RGS10: variants seen among roughly 807,000 people sequenced by gnomAD.
The protein encoded by RGS10 is regulator of G-protein signalling 10.
In RGS10, 11 loss-of-function variants were observed where a neutral mutation model predicts 23.5. The ratio of observed to expected loss-of-function variants is 0.47; its 90% CI spans 0.29 to 0.77. The LOEUF (loss-of-function observed/expected upper bound fraction) is 0.77. Among genes scored for constraint, RGS10 ranks in the 30% least tolerant of loss-of-function variants. The pLI is 0.08. For synonymous variants in RGS10, 77 were observed against 83.2 expected, an observed-to-expected ratio of 0.92 and a Z score of 0.41; for missense variants, 180 against 226.3, an observed-to-expected ratio of 0.80 and a Z score of 1.31.
At chr10:119,532,266 A>T (rs1467738563) in intron 1 of RGS10, among the ~76,000 whole-genome samples, 2 of 151,950 alleles carry the variant, frequency 1.3e-5, no homozygotes, top group Non-Finnish European at 2.9e-5. Context: ...TGCAAACTCC[A>T]CTCACCCAGT....
At chr10:119,518,204 T>A (rs1472366521) in intron 3 of RGS10, among the ~76,000 whole-genome samples, 1 of 152,236 alleles carries the variant, frequency 6.6e-6, no homozygotes, top group Admixed American at 6.5e-5. Flanking sequence ...GATGGCCGAC[T>A]TCTCTTCCAC....
At chr10:119,500,785 A>G (rs1331717058) in intron 4 of RGS10, among the ~76,000 whole-genome samples, 1 of 151,472 alleles carries the variant, frequency 6.6e-6, no homozygotes, top group Non-Finnish European at 1.5e-5. Context: ...ACTGCAGGGC[A>G]GGGCAGCAAA....
chr10:119,533,949 T>TA (rs1275204284), intron 1 of RGS10, among the ~76,000 whole-genome samples: 1 of 152,140 alleles, frequency 6.6e-6, no homozygotes, highest in African/African-American at 2.4e-5. Flanking sequence ...CATTAGCTAA[T>TA]AATAATGGTT....
At position 119,524,098 on chromosome 10, in the gene RGS10, G is replaced by A. The variant is rs1844247014; in HGVS notation, c.255+1934C>T. ...CACTTCCCCTGGATCCCTCCCCGTT[G>A]CCCACGCCTTGCTCCCACGACACAT... On this transcript the variant is annotated intron_variant, in intron 3 of 4. Transcript: ENST00000369103. The surrounding 1 kb of genome is among the most constrained non-coding windows in gnomAD (Gnocchi z 5.2). 1.3e-5 allele frequency among the ~76,000 whole-genome samples: 2 copies of A among 152,120 alleles called. No homozygotes were observed. The highest frequency in any genetic ancestry group is 4.1e-4 in the South Asian group (2 of 4,822).
At chr10:119,515,859 G>A (rs894697853) in intron 3 of RGS10, among the ~76,000 whole-genome samples, 4 of 152,120 alleles carry the variant, frequency 2.6e-5, no homozygotes, top group Non-Finnish European at 4.4e-5. Context: ...CCCTTCATGC[G>A]CCTGCAGCCA....
intron 1 of RGS10, among the ~76,000 whole-genome samples, chr10:119,539,620 G>A (rs1844419487): frequency 6.6e-6 from 1 of 152,172 alleles, no homozygotes; most frequent in South Asian, 2.1e-4. Flanking sequence ...CCCCAACACT[G>A]AATCAGTCTG....
chr10:119,536,418 G>A (rs770419528), intron 1 of RGS10: 24 of 1,584,208 alleles, frequency 1.5e-5, no homozygotes, highest in East Asian at 9.0e-5. Flanking sequence ...GGGCCAAGGC[G>A]ACAGGCAAAC....
intron 1 of RGS10, among the ~76,000 whole-genome samples, chr10:119,539,882 G>C (rs1376693181): frequency 6.6e-6 from 1 of 151,954 alleles, no homozygotes; most frequent in African/African-American, 2.4e-5. Flanking sequence ...GGGTCCTGCA[G>C]GAGCAGCTCT....
At chr10:119,537,256 C>T (rs1396026068) in intron 1 of RGS10, among the ~76,000 whole-genome samples, 3 of 151,876 alleles carry the variant, frequency 2.0e-5, no homozygotes, top group Admixed American at 1.3e-4. Context: ...GTGGTGCATG[C>T]GTGTAATCCC....
intron 1 of RGS10, among the ~76,000 whole-genome samples, chr10:119,541,277 C>A (rs111613595): frequency 9.1e-4 from 138 of 152,326 alleles, no homozygotes; most frequent in African/African-American, 2.9e-3. Flanking sequence ...CAAGGGAATT[C>A]TTTGACTCAC....
At chr10:119,522,851 T>C (rs758297298) in intron 3 of RGS10, among the ~76,000 whole-genome samples, 1 of 151,762 alleles carries the variant, frequency 6.6e-6, no homozygotes, top group Non-Finnish European at 1.5e-5. Context: ...CACTAGGGAA[T>C]GCCTGGAGTC....
intron 3 of RGS10, among the ~76,000 whole-genome samples, chr10:119,521,593 GAAGGAAGGAAAGAAAGA>G (rs1844216108): frequency 1.5e-5 from 2 of 135,584 alleles, no homozygotes; most frequent in African/African-American, 5.6e-5. Flanking sequence ...AGAAAGGAAG[GAAGGAAGGAAAGAAAGA>G]AAGGAAGGAA....
At chr10:119,526,796 T>C (rs1475824235) in intron 2 of RGS10, among the ~76,000 whole-genome samples, 1 of 152,044 alleles carries the variant, frequency 6.6e-6, no homozygotes, top group African/African-American at 2.4e-5. Flanking sequence ...AATTCACATA[T>C]GGTCCTCCAT....
chr10:119,531,378 T>C (rs1844328066), intron 1 of RGS10, among the ~76,000 whole-genome samples: 1 of 152,178 alleles, frequency 6.6e-6, no homozygotes, highest in Non-Finnish European at 1.5e-5. Context: ...GACATTCTTT[T>C]CCATAATAAA....
At chr10:119,525,986 G>C (rs1229612641) in intron 3 of RGS10, 46 bp downstream of exon 3, 2 of 1,054,774 alleles carry the variant, frequency 1.9e-6, no homozygotes, top group Non-Finnish European at 2.8e-6. Flanking sequence ...TGGAAAGGCA[G>C]TTGTAACTTT....
intron 2 of RGS10, 122 bp from the exon 3 acceptor site, chr10:119,526,240 C>T: frequency 6.0e-6 from 3 of 496,414 alleles, no homozygotes; most frequent in Non-Finnish European, 1.1e-5. Flanking sequence ...TTCAGTTACT[C>T]TTCGAAAACC....
At chr10:119,508,831 C>G (rs1031832481) in intron 4 of RGS10, among the ~76,000 whole-genome samples, 3 of 152,220 alleles carry the variant, frequency 2.0e-5, no homozygotes, top group Non-Finnish European at 2.9e-5. Flanking sequence ...CTGTGGCTCA[C>G]ACCTGTAATC....
At chr10:119,529,428 TG>T (rs1844311436) in intron 1 of RGS10, among the ~76,000 whole-genome samples, 1 of 152,244 alleles carries the variant, frequency 6.6e-6, no homozygotes, top group African/African-American at 2.4e-5. Flanking sequence ...CACTCTAGTC[TG>T]GGTGACAAGA....
intron 3 of RGS10, among the ~76,000 whole-genome samples, chr10:119,521,610 AAAGGAAGGAAGGAAAGAAAGG>A (rs1844216587): frequency 2.9e-5 from 3 of 102,122 alleles, no homozygotes; most frequent in African/African-American, 1.0e-4. Context: ...GGAAAGAAAG[AAAGGAAGGAAGGAAAGAAAGG>A]AAGGAAGGAA....
Sources: allele counts gnomAD v4.1 joint callset (sites outside exome capture counted in the v4.1 genomes callset), GRCh38; gene constraint gnomAD v4.1.1; non-coding constraint Gnocchi (gnomAD v3.1); transcripts MANE v1.5; gene names NCBI Gene and HGNC (gene_info 2026-07-23, HGNC 2026-07-21).